MTUS2: variants seen among roughly 807,000 people sequenced by gnomAD.
MTUS2 encodes microtubule associated scaffold protein 2.
MTUS2 carries 40 observed loss-of-function variants against 114.1 expected under a neutral mutation model. The ratio of observed to expected loss-of-function variants is 0.35; its 90% confidence interval spans 0.27 to 0.46. The LOEUF (loss-of-function observed/expected upper bound fraction) is 0.46, where lower values mean the gene tolerates loss of function less well. Ranked by LOEUF, MTUS2 falls within the 20% of genes least tolerant of loss-of-function variation. The pLI, the probability that MTUS2 is intolerant of heterozygous loss-of-function variation, is 1.00. For synonymous variants in MTUS2, 688 were observed against 672.0 expected (o/e 1.02, Z -0.37); for missense variants, 1,679 against 1,705.4 (o/e 0.98, Z 0.27).
intron 2 of MTUS2, among the ~76,000 whole-genome samples, chr13:28,851,932 T>A (rs1418515465): frequency 6.6e-6 from 1 of 152,074 alleles, no homozygotes; most frequent in Non-Finnish European, 1.5e-5. Flanking sequence ...CCAGCGTGAG[T>A]CTTTAAAACC....
chr13:29,357,492 A>G (rs1288905217), intron 7 of MTUS2, among the ~76,000 whole-genome samples: 2 of 152,264 alleles, frequency 1.3e-5, no homozygotes, highest in Admixed American at 1.3e-4. Context: ...AGCCACAGCA[A>G]TAAAATGGAA....
intron 5 of MTUS2, among the ~76,000 whole-genome samples, chr13:29,154,765 A>G (rs898452183): frequency 1.2e-4 from 18 of 152,222 alleles, no homozygotes; most frequent in Admixed American, 6.5e-4. Flanking sequence ...ATTGGATTTC[A>G]TGTGTTAGCT....
intron 5 of MTUS2, among the ~76,000 whole-genome samples, chr13:29,198,478 T>C (rs1894796182): frequency 6.6e-6 from 1 of 152,228 alleles, no homozygotes; most frequent in African/African-American, 2.4e-5. Flanking sequence ...TGTAGCCTTG[T>C]AGTATAGTTT....
Position 29,024,646 on chromosome 13 carries a change from C to G in MTUS2, c.-53C>G. ...AATCTGATTGCAGCTTGAAGGCAGC[C>G]CATTTCCATTAAGTAGGACTGCATG... On this transcript the variant is annotated 5_prime_UTR_variant, in exon 3 of 16. Transcript: ENST00000612955. The G allele has an allele frequency of 1.3e-6, 2 of 1,578,154 alleles. No individual in the cohort carries two copies. The highest frequency in any genetic ancestry group is 1.8e-5 in the Admixed American group (1 of 54,816).
intron 9 of MTUS2, among the ~76,000 whole-genome samples, chr13:29,456,195 C>G (rs543150674): frequency 6.6e-6 from 1 of 151,982 alleles, no homozygotes; most frequent in African/African-American, 2.4e-5. Flanking sequence ...ATGTTAGAAC[C>G]AAAAACAGAA....
chr13:28,959,897 T>A (rs1265014054), intron 2 of MTUS2, among the ~76,000 whole-genome samples: 1 of 152,222 alleles, frequency 6.6e-6, no homozygotes, highest in East Asian at 1.9e-4. Flanking sequence ...CCCTTCCCCA[T>A]TTCTTCTGCC....
At chr13:29,377,639 A>G (rs983094471) in intron 8 of MTUS2, among the ~76,000 whole-genome samples, 1 of 148,948 alleles carries the variant, frequency 6.7e-6, no homozygotes, top group Non-Finnish European at 1.5e-5. Flanking sequence ...CTAGAAAGGT[A>G]TTTATGGCAT....
chr13:29,207,585 T>G (rs1341778697), intron 5 of MTUS2, among the ~76,000 whole-genome samples: 1 of 152,202 alleles, frequency 6.6e-6, no homozygotes, highest in Non-Finnish European at 1.5e-5. Context: ...TTTATTAACT[T>G]AAAGTGTATC....
chr13:29,165,609 CT>C (rs1257620761), intron 5 of MTUS2, among the ~76,000 whole-genome samples: 1 of 152,134 alleles, frequency 6.6e-6, no homozygotes. Context: ...AAGTAAATTG[CT>C]TTTAAAACAC....
At chr13:29,492,021 G>GGTGTGT (rs144917103) in intron 11 of MTUS2, among the ~76,000 whole-genome samples, 10 of 138,052 alleles carry the variant, frequency 7.2e-5, no homozygotes, top group East Asian at 2.2e-4. Context: ...GTGTGTGGTA[G>GGTGTGT]GTGTGTGTGT....
At chr13:29,168,998 T>C (rs1893442128) in intron 5 of MTUS2, among the ~76,000 whole-genome samples, 2 of 151,922 alleles carry the variant, frequency 1.3e-5, no homozygotes, top group South Asian at 4.2e-4. Flanking sequence ...CTGAATCAGA[T>C]GTTTGGAGTG....
chr13:29,302,486 A>T (rs1435013033), intron 6 of MTUS2, among the ~76,000 whole-genome samples: 1 of 152,180 alleles, frequency 6.6e-6, no homozygotes, highest in African/African-American at 2.4e-5. Flanking sequence ...TAGCCCTGGG[A>T]TCCCTGGGAA....
chr13:29,341,154 G>T (rs1310124170), intron 7 of MTUS2, among the ~76,000 whole-genome samples: 6 of 152,106 alleles, frequency 3.9e-5, no homozygotes, highest in Non-Finnish European at 7.3e-5. Context: ...CTTTTCCTCT[G>T]GGTAGATACC....
At chr13:29,200,135 A>T (rs1384454808) in intron 5 of MTUS2, among the ~76,000 whole-genome samples, 2 of 151,726 alleles carry the variant, frequency 1.3e-5, no homozygotes, top group Non-Finnish European at 2.9e-5. Context: ...TTTTCAAAAA[A>T]CCAGCTTCTG....
At chr13:29,204,884 G>A (rs972437946) in intron 5 of MTUS2, among the ~76,000 whole-genome samples, 3 of 152,224 alleles carry the variant, frequency 2.0e-5, no homozygotes, top group Non-Finnish European at 1.5e-5. Context: ...GGCCAGGCCA[G>A]TGCCTCGCCA....
intron 1 of MTUS2, among the ~76,000 whole-genome samples, chr13:28,838,318 C>T (rs1875231510): frequency 6.6e-6 from 1 of 152,168 alleles, no homozygotes; most frequent in Admixed American, 6.5e-5. Context: ...GCCTTGATTC[C>T]ACTAGCTTTT....
chr13:28,884,748 C>A (rs373019324), intron 2 of MTUS2, among the ~76,000 whole-genome samples: 2 of 152,010 alleles, frequency 1.3e-5, no homozygotes, highest in Admixed American at 6.6e-5. Context: ...AGAAGCTGGG[C>A]GAAATGTACA....
chr13:29,214,961 A>C (rs1593176190), intron 5 of MTUS2, among the ~76,000 whole-genome samples: 2 of 152,078 alleles, frequency 1.3e-5, no homozygotes, highest in East Asian at 3.9e-4. Context: ...GTATTTTCCA[A>C]CTTGGTTCCA....
chr13:29,072,503 C>A (rs765084464), intron 4 of MTUS2, among the ~76,000 whole-genome samples: 1 of 152,056 alleles, frequency 6.6e-6, no homozygotes, highest in Admixed American at 6.6e-5. Flanking sequence ...TATGAAAATG[C>A]GTTTTAAGGG....
Sources: allele counts gnomAD v4.1 joint callset (sites outside exome capture counted in the v4.1 genomes callset), GRCh38; gene constraint gnomAD v4.1.1; transcripts MANE v1.5; gene names NCBI Gene and HGNC (gene_info 2026-07-23, HGNC 2026-07-21).